VSTM4: variants seen among roughly 807,000 people sequenced by gnomAD.
VSTM4 encodes the protein V-set and transmembrane domain-containing protein 4.
VSTM4 carries 20 observed loss-of-function variants against 36.4 expected under a neutral mutation model. The ratio of observed to expected loss-of-function variants is 0.55; its 90% CI spans 0.39 to 0.80. The LOEUF (loss-of-function observed/expected upper bound fraction) is 0.80. Ranked by LOEUF, VSTM4 falls within the 30% of genes least tolerant of loss-of-function variation. VSTM4 has a pLI of 0.00. For synonymous variants in VSTM4, 182 were observed against 173.9 expected, an observed-to-expected ratio of 1.05 and a Z score of -0.37; for missense variants, 392 against 404.5, an observed-to-expected ratio of 0.97 and a Z score of 0.26.
intron 1 of VSTM4, among the ~76,000 whole-genome samples, chr10:49,110,102 T>C (rs1844865560): frequency 6.6e-6 from 1 of 152,076 alleles, no homozygotes; most frequent in Non-Finnish European, 1.5e-5. Context: ...CTTCCAGAAC[T>C]GAAGTCCAGC....
rs1307189478 is a variant in VSTM4 at position 49,056,356 on chromosome 10, C to T, written c.669-7772G>A. Among the ~76,000 whole-genome samples the T allele has an allele frequency of 2.6e-5, 4 of 152,246 alleles. No homozygotes were observed. The East Asian group carries it at 7.7e-4, about 29-fold the overall frequency. ...ACTTTAGTGGTGCTCCACAGGGTCG[C>T]AGGCTTGGCTCCTAGTAATAATGGC... On this transcript the variant is annotated intron_variant, in intron 5 of 7. Transcript: ENST00000332853.
At chr10:49,067,114 T>C (rs1843987057) in intron 4 of VSTM4, among the ~76,000 whole-genome samples, 1 of 152,250 alleles carries the variant, frequency 6.6e-6, no homozygotes, top group Admixed American at 6.5e-5. Context: ...ATGGATCTAA[T>C]CATTTCATTT....
At chr10:49,041,450 A>C (rs548562507) in intron 7 of VSTM4, among the ~76,000 whole-genome samples, 1 of 152,216 alleles carries the variant, frequency 6.6e-6, no homozygotes, top group African/African-American at 2.4e-5. Flanking sequence ...GCCCCAATCA[A>C]TTATCTGTGA....
intron 7 of VSTM4, among the ~76,000 whole-genome samples, chr10:49,031,335 A>G (rs1434140244): frequency 6.6e-6 from 1 of 152,224 alleles, no homozygotes; most frequent in African/African-American, 2.4e-5. Flanking sequence ...TGGGACTCAT[A>G]ATAGTAACTA....
In VSTM4 at chr10:49,016,300, C is replaced by T. The variant is rs1299141906; in HGVS notation, c.*3350G>A. ...GGGATGTTAGGGACTTGGGTAGAGT[C>T]CTGCCCTTCCAGGACATTCTCCTCC... On this transcript the variant is annotated 3_prime_UTR_variant, in exon 8 of 8. Transcript: ENST00000332853. 6.6e-6 allele frequency: 1 copy of T among 152,148 alleles called. No individual in the cohort carries two copies. The highest frequency in any genetic ancestry group is 1.5e-5 in the Non-Finnish European group (1 of 68,040). 9.4% of individuals were successfully genotyped at this position (152,148 alleles called of 1,614,324 possible).
At chr10:49,072,187 A>T (rs1393176858) in intron 4 of VSTM4, among the ~76,000 whole-genome samples, 1 of 152,206 alleles carries the variant, frequency 6.6e-6, no homozygotes, top group Non-Finnish European at 1.5e-5. Flanking sequence ...AAGGAGGAGC[A>T]TCTTGCGGTG....
intron 1 of VSTM4, 79 bp from the exon 2 acceptor site, chr10:49,108,074 G>C (rs1210613660): frequency 1.4e-6 from 2 of 1,461,236 alleles, no homozygotes; most frequent in Non-Finnish European, 1.8e-6. Flanking sequence ...GAGGAGCCAG[G>C]AAATGCCTCC....
chr10:49,107,757 C>G lies in VSTM4; in HGVS notation c.294G>C (p.Arg98Ser). ...CCCGCTGCTCCTCCAGCAGGCGCAG[C>G]CTCCGCCGTTTGGCGCTGCGGCTGA... ...GNFSRSAKRR[R>S]LRLLEEQRGA... Residue 98 changes from arginine to serine, a missense_variant, in exon 2 of 8, where the codon AGG becomes AGC. Physicochemically the swap from Arg to Ser is moderately radical, Grantham distance 110 (BLOSUM62 -1). Transcript: ENST00000332853. 1 of 1,614,244 alleles carries G rather than the reference C, an allele frequency of 6.2e-7. No homozygotes were observed. Among genetic ancestry groups the G allele is most frequent in the Non-Finnish European group, 8.5e-7 (1 of 1,180,052 alleles).
At chr10:49,111,596 A>G (rs535233290) in intron 1 of VSTM4, among the ~76,000 whole-genome samples, 11 of 152,290 alleles carry the variant, frequency 7.2e-5, no homozygotes, top group Middle Eastern at 6.8e-3. Flanking sequence ...GAAGAAATTA[A>G]TTTCTTGTTT....
intron 5 of VSTM4, among the ~76,000 whole-genome samples, chr10:49,056,685 T>G (rs1843784938): frequency 6.6e-6 from 1 of 152,152 alleles, no homozygotes; most frequent in South Asian, 2.1e-4. Context: ...CTGATGACCC[T>G]GTGTCCCTCT....
chr10:49,040,307 C>T (rs550273684), intron 7 of VSTM4, among the ~76,000 whole-genome samples: 122 of 152,170 alleles, frequency 8.0e-4, no homozygotes, highest in African/African-American at 2.6e-3. Context: ...TTTTGAGACA[C>T]AGTCTCACTC....
At chr10:49,104,422 C>T (rs1041779123) in intron 2 of VSTM4, among the ~76,000 whole-genome samples, 1 of 152,202 alleles carries the variant, frequency 6.6e-6, no homozygotes, top group Non-Finnish European at 1.5e-5. Context: ...ATGCGCCTCT[C>T]CTGGCCCTGC....
chr10:49,103,065 T>G (rs1197591217), intron 2 of VSTM4: 1 of 152,340 alleles, frequency 6.6e-6, no homozygotes, highest in South Asian at 2.1e-4. Flanking sequence ...TCAATTCACT[T>G]CTTGAAATTG....
intron 2 of VSTM4, among the ~76,000 whole-genome samples, chr10:49,089,495 C>G (rs190212438): frequency 1.5e-3 from 224 of 152,254 alleles, no homozygotes; most frequent in African/African-American, 5.2e-3. Flanking sequence ...ATTACAGTTC[C>G]CTTTCCCTTA....
intron 2 of VSTM4, chr10:49,102,182 T>TCTCGCTCGGTCGCCCAG (rs57153575): frequency 6.6e-6 from 1 of 152,256 alleles, no homozygotes; most frequent in African/African-American, 2.4e-5. Context: ...GAGAGCGGAG[T>TCTCGCTCGGTCGCCCAG]GCTGGAGTGC....
chr10:49,052,264 CCTT>C (rs1487873752), intron 5 of VSTM4, among the ~76,000 whole-genome samples: 1 of 152,154 alleles, frequency 6.6e-6, no homozygotes, highest in Non-Finnish European at 1.5e-5. Flanking sequence ...ACGTCACCCT[CCTT>C]AACACCACTT....
At chr10:49,047,095 G>C (rs1459262595) in intron 6 of VSTM4, 51 bp from the exon 7 acceptor site, 2 of 1,540,270 alleles carry the variant, frequency 1.3e-6, no homozygotes, top group Non-Finnish European at 1.8e-6. Context: ...AGAACACTTA[G>C]TGGCCACACA....
intron 2 of VSTM4, among the ~76,000 whole-genome samples, chr10:49,106,623 G>A (rs535863011): frequency 1.3e-5 from 2 of 152,326 alleles, no homozygotes; most frequent in African/African-American, 4.8e-5. Flanking sequence ...TGGGCAACCA[G>A]CCTGCCCTGC....
chr10:49,034,082 T>A (rs933537141), intron 7 of VSTM4, among the ~76,000 whole-genome samples: 1 of 151,768 alleles, frequency 6.6e-6, no homozygotes, highest in Non-Finnish European at 1.5e-5. Context: ...ACCATCACTG[T>A]CATCACCATC....
Sources: gnomAD v4.1 joint callset for allele counts (sites outside exome capture counted in the v4.1 genomes callset) on GRCh38, gnomAD v4.1.1 for gene constraint, MANE v1.5 for transcripts, NCBI Gene and HGNC (gene_info 2026-07-23, HGNC 2026-07-21) for gene names.